STRN3: variants seen among roughly 807,000 people sequenced by gnomAD.
STRN3 encodes striatin 3.
In STRN3, 29 loss-of-function variants were observed where a neutral mutation model predicts 95.6. That is an observed-to-expected ratio of 0.30 (90% confidence interval 0.23 to 0.41). The LOEUF (loss-of-function observed/expected upper bound fraction) is 0.41, where lower values mean the gene tolerates loss of function less well. Among genes scored for constraint, STRN3 ranks in the 10% least tolerant of loss-of-function variants. The pLI, the probability that STRN3 is intolerant of heterozygous loss-of-function variation, is 1.00. For synonymous variants in STRN3, 331 were observed against 357.6 expected, an observed-to-expected ratio of 0.93 and a Z score of 0.84; for missense variants, 890 against 972.1, an observed-to-expected ratio of 0.92 and a Z score of 1.12.
intron 9 of STRN3, among the ~76,000 whole-genome samples, chr14:30,917,786 CTG>C (rs1457411871): frequency 6.6e-6 from 1 of 152,148 alleles, no homozygotes; most frequent in East Asian, 1.9e-4. Flanking sequence ...TGTAAGGAAA[CTG>C]TGCCACTAGG....
At chr14:30,995,558 A>T (rs1166320252) in intron 1 of STRN3, among the ~76,000 whole-genome samples, 1 of 152,200 alleles carries the variant, frequency 6.6e-6, no homozygotes, top group African/African-American at 2.4e-5. Flanking sequence ...CTCTATGATG[A>T]TATTTCTAGT....
chr14:30,965,398 T>A (rs1880435297), intron 1 of STRN3, among the ~76,000 whole-genome samples: 1 of 152,066 alleles, frequency 6.6e-6, no homozygotes, highest in African/African-American at 2.4e-5. Flanking sequence ...GTTGGCTCCT[T>A]AAGTGCATGG....
At chr14:30,945,388 AGGGC>A (rs1283562101) in intron 5 of STRN3, among the ~76,000 whole-genome samples, 2 of 152,182 alleles carry the variant, frequency 1.3e-5, no homozygotes, top group African/African-American at 4.8e-5. Flanking sequence ...AAGGCCAATG[AGGGC>A]GGACTGCTTG....
At chr14:30,954,290 C>T (rs926119414) in intron 3 of STRN3, among the ~76,000 whole-genome samples, 2 of 151,950 alleles carry the variant, frequency 1.3e-5, no homozygotes, top group African/African-American at 2.4e-5. Flanking sequence ...TAATATAACC[C>T]GTTTATAAGG....
Position 30,913,452 on chromosome 14 carries a change from T to A in STRN3, c.1374+72A>T. 2.8e-6 allele frequency: 4 copies of A among 1,433,338 alleles called. No individual in the cohort carries two copies. The South Asian group carries it at 5.9e-5, about 21-fold the overall frequency. 88.8% of individuals were successfully genotyped at this position (1,433,338 alleles called of 1,614,324 possible). The stretch of plus-strand genomic sequence containing the variant: ...CATGCACCTTGATATTAATTCTGTT[T>A]TATAAGTGATTCCAAAAAATAAGGA... On this transcript the variant is annotated intron_variant, in intron 10 of 17. Transcript: ENST00000357479.
At chr14:30,947,023 TA>T (rs1378569990) in intron 5 of STRN3, 66 bp downstream of exon 5, 1 of 1,151,842 alleles carries the variant, frequency 8.7e-7, no homozygotes, top group African/African-American at 1.6e-5. Context: ...AACAAGGAGC[TA>T]AAGAGATTAA....
chr14:31,010,706 C>T (rs905054920), intron 1 of STRN3, among the ~76,000 whole-genome samples: 7 of 152,148 alleles, frequency 4.6e-5, no homozygotes, highest in Non-Finnish European at 8.8e-5. Context: ...GATAAAGTAG[C>T]CCCCGCCCCA....
intron 1 of STRN3, among the ~76,000 whole-genome samples, chr14:30,978,223 A>T (rs78836874): frequency 6.6e-6 from 1 of 152,110 alleles, no homozygotes; most frequent in Non-Finnish European, 1.5e-5. Flanking sequence ...AACGACAAAC[A>T]TATCTCTCAT....
At chr14:30,997,267 G>A (rs936650924) in intron 1 of STRN3, among the ~76,000 whole-genome samples, 2 of 152,110 alleles carry the variant, frequency 1.3e-5, no homozygotes, top group Non-Finnish European at 2.9e-5. Flanking sequence ...ATTGTATGTA[G>A]GCTGCCCCTC....
At chr14:31,003,435 G>T (rs916673538) in intron 1 of STRN3, among the ~76,000 whole-genome samples, 1 of 151,652 alleles carries the variant, frequency 6.6e-6, no homozygotes, top group African/African-American at 2.4e-5. Flanking sequence ...TTTGAAATTT[G>T]ATTTCCAATG....
At chr14:30,987,830 C>T (rs930249531) in intron 1 of STRN3, among the ~76,000 whole-genome samples, 8 of 151,764 alleles carry the variant, frequency 5.3e-5, no homozygotes, top group Admixed American at 3.3e-4. Context: ...CTCTGCCTCC[C>T]GGGTTCAAGC....
chr14:30,971,196 T>C (rs1880811135), intron 1 of STRN3, among the ~76,000 whole-genome samples: 1 of 152,238 alleles, frequency 6.6e-6, no homozygotes, highest in Non-Finnish European at 1.5e-5. Flanking sequence ...GGTGGTATTG[T>C]GGTGGACCTT....
intron 1 of STRN3, among the ~76,000 whole-genome samples, chr14:31,023,832 C>CA (rs4011677): frequency 0.53 from 75,410 of 143,358 alleles, 19,847 homozygotes; most frequent in South Asian, 0.69. Flanking sequence ...ATATATAACT[C>CA]AAAAAAAAAA....
chr14:30,904,093 A>G (rs1896398106), intron 15 of STRN3, among the ~76,000 whole-genome samples: 2 of 152,202 alleles, frequency 1.3e-5, no homozygotes, highest in Admixed American at 1.3e-4. Flanking sequence ...ATGAGGATCA[A>G]CTCAACAGCC....
intron 5 of STRN3, among the ~76,000 whole-genome samples, chr14:30,944,940 C>A (rs1007122019): frequency 6.6e-6 from 1 of 151,936 alleles, no homozygotes; most frequent in African/African-American, 2.4e-5. Context: ...GATAACTGCA[C>A]AATATCATAA....
chr14:30,979,089 A>G, intron 1 of STRN3, among the ~76,000 whole-genome samples: 1 of 151,648 alleles, frequency 6.6e-6, no homozygotes, highest in East Asian at 1.9e-4. Flanking sequence ...GCAGCAAACA[A>G]GATTAATAAA....
At chr14:30,967,708 C>T (rs7140551) in intron 1 of STRN3, among the ~76,000 whole-genome samples, 22,030 of 152,210 alleles carry the variant, frequency 0.14, 1,816 homozygotes, top group South Asian at 0.33. Context: ...CAGAACTATC[C>T]TAAGTCAAAA....
At chr14:30,944,228 A>C (rs1879230928) in intron 5 of STRN3, among the ~76,000 whole-genome samples, 1 of 152,062 alleles carries the variant, frequency 6.6e-6, no homozygotes. Flanking sequence ...TAAAATATTT[A>C]CAAATTCTAT....
intron 1 of STRN3, among the ~76,000 whole-genome samples, chr14:31,007,058 G>C (rs1412071048): frequency 6.6e-6 from 1 of 152,160 alleles, no homozygotes. Context: ...ATAAAATACA[G>C]ACATTTTTTA....
Sources: gnomAD v4.1 joint callset for allele counts (sites outside exome capture counted in the v4.1 genomes callset) on GRCh38, gnomAD v4.1.1 for gene constraint, MANE v1.5 for transcripts, NCBI Gene and HGNC (gene_info 2026-07-23, HGNC 2026-07-21) for gene names.